The following MTMR3 variants were observed in gnomAD, a reference collection of about 807,000 sequenced individuals.
MTMR3 encodes myotubularin related protein 3, also known as phosphatidylinositol-3,5-bisphosphate 3-phosphatase MTMR3.
Under a neutral mutation model 132.4 loss-of-function variants are expected in MTMR3, and 32 were observed. The observed-to-expected ratio is 0.24, with a 90% CI of 0.18 to 0.32. The LOEUF (loss-of-function observed/expected upper bound fraction) is 0.32, where lower values mean the gene tolerates loss of function less well. Among genes scored for constraint, MTMR3 ranks in the 10% least tolerant of loss-of-function variants. The pLI, the probability that MTMR3 is intolerant of heterozygous loss-of-function variation, is 1.00. For missense variants in MTMR3, 1,216 were observed against 1,489.6 expected (o/e 0.82, Z 3.02); for synonymous variants, 556 against 550.3 (o/e 1.01, Z -0.14).
intron 3 of MTMR3, among the ~76,000 whole-genome samples, chr22:29,972,866 C>T (rs576457915): frequency 5.0e-4 from 76 of 152,258 alleles, no homozygotes; most frequent in African/African-American, 1.6e-3. Context: ...CTGCTGTGCC[C>T]CATTGGTTAT....
At position 29,954,059 on chromosome 22, in the gene MTMR3, C is replaced by CTTTTTTTTTTTT. The variant is rs59781649; in HGVS notation, c.-137-2964_-137-2953dup. ...CCCTTTTTTTTTCTTTCAAATGAGT[C>CTTTTTTTTTTTT]TTTTTTTTTTTTTTTTTTTTTTTTG... On this transcript the variant is annotated intron_variant, in intron 1 of 19. Transcript: ENST00000401950. 1.5e-3 allele frequency among the ~76,000 whole-genome samples: 116 copies of CTTTTTTTTTTTT among 79,418 alleles called. 7 individuals carry two copies. Among genetic ancestry groups the CTTTTTTTTTTTT allele is most frequent in the African/African-American group, 5.6e-3 (106 of 18,918 alleles). 52.1% of individuals were successfully genotyped at this position (79,418 alleles called of 152,430 possible). A position where few individuals can be genotyped will look rare whatever the true frequency, so the allele number is the denominator to read the frequency against.
In MTMR3 at chr22:30,026,012, G is replaced by A. The variant is rs1204431760; in HGVS notation, c.*211G>A. ...CCTACCTTTTCCATCCTCCTCCTCTGCCTTCAAAAAAGGAAACTTTCCCTT... is the reference window on the plus strand; with the variant it reads ...CCTACCTTTTCCATCCTCCTCCTCTACCTTCAAAAAAGGAAACTTTCCCTT... On this transcript the variant is annotated 3_prime_UTR_variant, in exon 20 of 20. Coordinates refer to ENST00000401950, the MANE Select transcript of MTMR3 (RefSeq NM_021090.4). 3 of 454,124 alleles carry A rather than the reference G, an allele frequency of 6.6e-6. No individual in the cohort carries two copies. The highest frequency in any genetic ancestry group is 1.1e-5 in the Non-Finnish European group (3 of 261,170). 28.1% of individuals were successfully genotyped at this position (454,124 alleles called of 1,614,324 possible). A position where few individuals can be genotyped will look rare whatever the true frequency, so the allele number is the denominator to read the frequency against.
intron 1 of MTMR3, among the ~76,000 whole-genome samples, chr22:29,952,788 A>C (rs182663143): frequency 6.6e-6 from 1 of 152,310 alleles, no homozygotes; most frequent in East Asian, 1.9e-4. Flanking sequence ...GCAGGGAGTA[A>C]GACTAACCTA....
In MTMR3 at chr22:30,019,703, G is replaced by T. The variant is rs1355953744; in HGVS notation, c.2044G>T (p.Ala682Ser). ...VPGGAELSVA[A>S]GVAEGQMENI... is the part of the protein sequence containing the mutation. ...GGGGGGTGCCGAGCTTTCTGTTGCA[G>T]CCGGAGTAGCTGAGGGGCAGATGGA... Residue 682 changes from alanine to serine, a missense_variant, in exon 17 of 20, where the codon GCC becomes TCC. Coordinates refer to ENST00000401950, the MANE Select transcript of MTMR3 (RefSeq NM_021090.4). The T allele has an allele frequency of 6.2e-6, 10 of 1,614,132 alleles. No homozygotes were observed. Among genetic ancestry groups the T allele is most frequent in the Non-Finnish European group, 8.5e-6 (10 of 1,180,056 alleles).
At chr22:29,991,414 A>G (rs2066958674) in intron 6 of MTMR3, 90 bp from the exon 7 acceptor site, 1 of 1,307,524 alleles carries the variant, frequency 7.6e-7, no homozygotes, top group Non-Finnish European at 1.0e-6. Context: ...CCACTTCACT[A>G]CGAGTGGGCA....
chr22:29,989,648 T>C (rs557871575), intron 6 of MTMR3: 1 of 152,332 alleles, frequency 6.6e-6, no homozygotes, highest in East Asian at 1.9e-4. Flanking sequence ...CTCAATTAAA[T>C]TGAGGTTCTA....
intron 1 of MTMR3, among the ~76,000 whole-genome samples, chr22:29,912,826 G>C (rs2065239828): frequency 6.6e-6 from 1 of 152,188 alleles, no homozygotes; most frequent in Non-Finnish European, 1.5e-5. Context: ...CTAAGTATTT[G>C]AGATGTCTGT....
chr22:30,024,048 A>G (rs2067840302), intron 19 of MTMR3: 1 of 152,866 alleles, frequency 6.5e-6, no homozygotes, highest in Admixed American at 6.5e-5. Flanking sequence ...TAATCCTAGC[A>G]CTTTGGGAGG....
At position 29,942,540 on chromosome 22, in the gene MTMR3, A is replaced by G. The variant is rs541350059; in HGVS notation, c.-137-14496A>G. On this transcript the variant is annotated intron_variant, in intron 1 of 19. Transcript: ENST00000401950. ...TAGGCGGGAATTTCCTCTTCCTAATAAGCCTGGGAGCACTACGGGAGACTA... is the reference window on the plus strand; with the variant it reads ...TAGGCGGGAATTTCCTCTTCCTAATGAGCCTGGGAGCACTACGGGAGACTA... Among the ~76,000 whole-genome samples the G allele has an allele frequency of 9.8e-5, 15 of 152,286 alleles. No homozygotes were observed. In the East Asian group the frequency reaches 2.7e-3, roughly 27 times the overall value.
In MTMR3 at chr22:30,029,574, G is replaced by A. The variant is rs971717498; in HGVS notation, c.*3773G>A. 6.6e-6 allele frequency: 1 copy of A among 152,320 alleles called. No individual in the cohort carries two copies. Among genetic ancestry groups the A allele is most frequent in the African/African-American group, 2.4e-5 (1 of 41,456 alleles). The allele number at this position is 152,320 out of a possible 1,614,324, so 9.4% of individuals were successfully genotyped here. The stretch of plus-strand genomic sequence containing the variant: ...GATATACTTGCCTGCTTGCACATGA[G>A]GCTGGGAGATCCCATGCCTGTTGAA... On this transcript the variant is annotated 3_prime_UTR_variant, in exon 20 of 20. Coordinates refer to ENST00000401950, the MANE Select transcript of MTMR3 (RefSeq NM_021090.4).
intron 3 of MTMR3, chr22:29,978,183 A>G (rs944353071): frequency 3.7e-6 from 1 of 271,358 alleles, no homozygotes; most frequent in African/African-American, 2.2e-5. Context: ...AAAAAAAAGT[A>G]TTAAGAAGCT....
Position 29,971,077 on chromosome 22 carries a change from A to G in MTMR3, c.3+15A>G, listed in dbSNP as rs778477505. 6.9e-6 allele frequency: 11 copies of G among 1,590,288 alleles called. No homozygotes were observed. Among genetic ancestry groups the G allele is most frequent in the African/African-American group, 1.4e-5 (1 of 72,574 alleles). ...CTCTTGTCATGGTAAGTACAAGGAA[A>G]TAAGAGTAAAAAAAAAAACAAAAAA... On this transcript the variant is annotated intron_variant, in intron 3 of 19. Transcript: ENST00000401950.
chr22:29,940,672 A>G (rs1002537278), intron 1 of MTMR3, among the ~76,000 whole-genome samples: 1 of 150,288 alleles, frequency 6.7e-6, no homozygotes, highest in Admixed American at 6.6e-5. Flanking sequence ...CTTATTGCCA[A>G]TAGACTAGCA....
Position 29,978,959 on chromosome 22 carries a change from A to G in MTMR3, c.117A>G (p.Gly39=). 1 of 1,613,494 alleles carries G rather than the reference A, an allele frequency of 6.2e-7. No homozygotes were observed. ...NLQVPFLELH[G]ESTEFVGRAE... ...AGGTTCCTTTCCTTGAACTTCATGG[A>G]GAGAGCACAGAGTTTGTGGGCCGTG... Residue 39 remains glycine, a synonymous_variant, in exon 5 of 20, where the codon GGA becomes GGG. Coordinates refer to ENST00000401950, the MANE Select transcript of MTMR3 (RefSeq NM_021090.4).
intron 5 of MTMR3, chr22:29,981,839 A>AAAAAACACCC (rs2066751327): frequency 6.6e-6 from 1 of 151,166 alleles, no homozygotes; most frequent in Non-Finnish European, 1.5e-5. Flanking sequence ...AGGAAAAAAA[A>AAAAAACACCC]AAAAACACCC....
chr22:29,921,252 AAG>A (rs1211742418), intron 1 of MTMR3, among the ~76,000 whole-genome samples: 1 of 152,106 alleles, frequency 6.6e-6, no homozygotes, highest in East Asian at 1.9e-4. Context: ...GGGGCAGCAA[AAG>A]AGAGAGGAGA....
chr22:29,944,525 T>C lies in MTMR3; in HGVS notation c.-137-12511T>C, dbSNP rs562522061. 5.9e-5 allele frequency among the ~76,000 whole-genome samples: 9 copies of C among 152,262 alleles called. 1 individual carries two copies. In the South Asian group the frequency reaches 1.7e-3, roughly 28 times the overall value. On this transcript the variant is annotated intron_variant, in intron 1 of 19. Transcript: ENST00000401950. ...GGAAGTAGATAGAGATCAAATTGAG[T>C]TGGAGGAGGATAGTATTTGTGGACT...
At chr22:29,986,747 T>G (rs2145901632) in intron 5 of MTMR3, 1 of 261,766 alleles carries the variant, frequency 3.8e-6, no homozygotes, top group East Asian at 1.8e-4. Context: ...TACCGCAGTC[T>G]CTGCCTCTGG....
chr22:29,935,813 T>G (rs1336752222), intron 1 of MTMR3, among the ~76,000 whole-genome samples: 2 of 139,954 alleles, frequency 1.4e-5, no homozygotes, highest in Non-Finnish European at 3.0e-5. Context: ...AGTGCAGTGG[T>G]GCAATCTCGG....
Sources: allele counts gnomAD v4.1 joint callset (sites outside exome capture counted in the v4.1 genomes callset), GRCh38; gene constraint gnomAD v4.1.1; transcripts MANE v1.5; gene names NCBI Gene and HGNC (gene_info 2026-07-23, HGNC 2026-07-21).